Variants in DLC1 observed in about 807,000 individuals in gnomAD.
DLC1 encodes rho GTPase-activating protein 7.
Under a neutral mutation model 140.3 loss-of-function variants are expected in DLC1, and 54 were observed. The observed-to-expected ratio is 0.38, with a 90% CI of 0.31 to 0.48. The LOEUF (loss-of-function observed/expected upper bound fraction) is 0.48, where lower values mean the gene tolerates loss of function less well. DLC1 is among the 20% of genes least tolerant of loss of function. DLC1 has a pLI of 0.96. For missense variants in DLC1, 2,536 were observed against 1,907.0 expected, an observed-to-expected ratio of 1.33 and a Z score of -6.14; for synonymous variants, 986 against 728.1, an observed-to-expected ratio of 1.35 and a Z score of -5.70.
intron 5 of DLC1, among the ~76,000 whole-genome samples, chr8:13,192,323 C>T (rs751495910): frequency 6.6e-6 from 1 of 151,964 alleles, no homozygotes; most frequent in African/African-American, 2.4e-5. Flanking sequence ...TTGGGTGATG[C>T]CCTTTTTAAA....
chr8:13,136,049 T>C (rs962665585), intron 5 of DLC1, among the ~76,000 whole-genome samples: 12 of 152,368 alleles, frequency 7.9e-5, no homozygotes, highest in Non-Finnish European at 1.3e-4. Context: ...CCCCAATTTG[T>C]ATAGCTTTAA....
At chr8:13,238,474 C>T (rs938131345) in intron 5 of DLC1, among the ~76,000 whole-genome samples, 1 of 151,800 alleles carries the variant, frequency 6.6e-6, no homozygotes, top group African/African-American at 2.4e-5. Flanking sequence ...GTTCACGCCA[C>T]TGCACTCCAG....
At chr8:13,305,418 G>T in intron 4 of DLC1, 116 bp from the exon 5 acceptor site, 1 of 1,061,956 alleles carries the variant, frequency 9.4e-7, no homozygotes. Context: ...AATGCCAATA[G>T]AAAAATTAGC....
intron 4 of DLC1, among the ~76,000 whole-genome samples, chr8:13,316,258 G>A (rs1013903543): frequency 1.3e-5 from 2 of 152,188 alleles, no homozygotes; most frequent in African/African-American, 4.8e-5. Context: ...AGTCTGACAA[G>A]GTGGAAGGGC....
chr8:13,130,216 T>C (rs752821565), intron 5 of DLC1, among the ~76,000 whole-genome samples: 1 of 152,262 alleles, frequency 6.6e-6, no homozygotes, highest in African/African-American at 2.4e-5. Context: ...CAAGTACTTA[T>C]TGCTGTATTT....
chr8:13,121,467 G>A (rs1380974426), intron 5 of DLC1, among the ~76,000 whole-genome samples: 1 of 152,192 alleles, frequency 6.6e-6, no homozygotes, highest in South Asian at 2.1e-4. Flanking sequence ...AGCAAATCAC[G>A]ACCACAAATA....
chr8:13,409,316 C>T (rs924507088), intron 2 of DLC1, among the ~76,000 whole-genome samples: 7 of 152,088 alleles, frequency 4.6e-5, no homozygotes, highest in Non-Finnish European at 1.0e-4. Flanking sequence ...GATATACTCT[C>T]AATTAAGCCA....
intron 5 of DLC1, among the ~76,000 whole-genome samples, chr8:13,215,744 C>T (rs1828167900): frequency 6.6e-6 from 1 of 152,168 alleles, no homozygotes. Context: ...TCTTAAGATT[C>T]TGTGTTGATT....
chr8:13,422,182 T>C (rs1838346997), intron 2 of DLC1, among the ~76,000 whole-genome samples: 1 of 152,132 alleles, frequency 6.6e-6, no homozygotes, highest in Non-Finnish European at 1.5e-5. Flanking sequence ...GAAGGGTATA[T>C]ATAGCATATA....
chr8:13,249,065 C>G (rs1166997119), intron 5 of DLC1, among the ~76,000 whole-genome samples: 1 of 152,158 alleles, frequency 6.6e-6, no homozygotes, highest in Non-Finnish European at 1.5e-5. Flanking sequence ...CCACTCATCT[C>G]AAACCTTCGT....
intron 5 of DLC1, among the ~76,000 whole-genome samples, chr8:13,260,654 C>T (rs952643572): frequency 6.6e-6 from 1 of 152,018 alleles, no homozygotes; most frequent in African/African-American, 2.4e-5. Context: ...GAAGAAATAT[C>T]CAACTGATGC....
intron 5 of DLC1, among the ~76,000 whole-genome samples, chr8:13,150,215 T>C (rs527492830): frequency 6.6e-6 from 1 of 152,232 alleles, no homozygotes; most frequent in African/African-American, 2.4e-5. Flanking sequence ...CTTCTCACAT[T>C]ACATCTATTT....
chr8:13,353,010 A>G (rs893791588), intron 4 of DLC1, among the ~76,000 whole-genome samples: 2 of 152,184 alleles, frequency 1.3e-5, no homozygotes, highest in East Asian at 1.9e-4. Context: ...TTTTTTATGA[A>G]TCTTAGCCCT....
chr8:13,452,071 T>C (rs1327322628), intron 2 of DLC1, among the ~76,000 whole-genome samples: 2 of 152,080 alleles, frequency 1.3e-5, no homozygotes, highest in Non-Finnish European at 2.9e-5. Context: ...GCATTTGACA[T>C]CCAATTTTAT....
intron 5 of DLC1, among the ~76,000 whole-genome samples, chr8:13,133,680 T>C (rs1055048772): frequency 1.3e-5 from 2 of 151,902 alleles, no homozygotes; most frequent in Non-Finnish European, 2.9e-5. Flanking sequence ...ACAAGGCATT[T>C]ACTTGGCGGA....
At chr8:13,452,859 T>C (rs922204834) in intron 2 of DLC1, among the ~76,000 whole-genome samples, 1 of 152,212 alleles carries the variant, frequency 6.6e-6, no homozygotes, top group Non-Finnish European at 1.5e-5. Context: ...TATTCTAACA[T>C]GCCCTTGTTT....
chr8:13,131,316 C>T lies in DLC1; in HGVS notation c.1349-15659G>A, dbSNP rs80188747. Among the ~76,000 whole-genome samples the T allele has an allele frequency of 2.7e-3, 413 of 152,238 alleles. 2 individuals are homozygous for T. Among genetic ancestry groups the T allele is most frequent in the Admixed American group, 9.2e-3 (141 of 15,272 alleles). On this transcript the variant is annotated intron_variant, in intron 5 of 17. Coordinates refer to ENST00000276297, the MANE Select transcript of DLC1 (RefSeq NM_182643.3). ...GCAGTCTGCTGGACTATTATTTTCC[C>T]TCATCCCTTCAGCAAACAGAATTTT...
intron 4 of DLC1, among the ~76,000 whole-genome samples, chr8:13,363,949 G>T (rs977917999): frequency 2.0e-5 from 3 of 152,176 alleles, no homozygotes; most frequent in Non-Finnish European, 4.4e-5. Context: ...TACGCTCTAA[G>T]AAGCTCTTTG....
intron 1 of DLC1, among the ~76,000 whole-genome samples, chr8:13,544,464 C>T (rs1803590174): frequency 6.6e-6 from 1 of 152,036 alleles, no homozygotes; most frequent in African/African-American, 2.4e-5. Context: ...GTACTTTGGT[C>T]TGAGAAAATG....
Sources: allele counts gnomAD v4.1 joint callset (sites outside exome capture counted in the v4.1 genomes callset), GRCh38; gene constraint gnomAD v4.1.1; transcripts MANE v1.5; gene names NCBI Gene and HGNC (gene_info 2026-07-23, HGNC 2026-07-21).